VWA3B: variants seen among roughly 807,000 people sequenced by gnomAD.
VWA3B encodes the protein von Willebrand factor A domain-containing protein 3B.
VWA3B carries 138 observed loss-of-function variants against 158.3 expected under a neutral mutation model. That is an observed-to-expected ratio of 0.87 (90% CI 0.76 to 1.00). The LOEUF is 1.00. Ranked by LOEUF, VWA3B falls within the 50% of genes least tolerant of loss-of-function variation. The probability of loss-of-function intolerance (pLI) is 0.00; values close to 1 mark genes in which losing one functional copy is unlikely to be tolerated. For missense variants in VWA3B, 1,555 were observed against 1,565.1 expected (o/e 0.99, Z 0.11); for synonymous variants, 596 against 587.3 (o/e 1.01, Z -0.21).
rs935554274 is a variant in VWA3B at position 98,159,999 on chromosome 2, G to T, written c.989-2852G>T. On this transcript the variant is annotated intron_variant, in intron 7 of 27. Transcript: ENST00000477737. ...CACTCCAGCCTGGGCGACAGAGCAAGAATCCATTAAAAAAAAAAAAAAAAG... is the reference window on the plus strand; with the variant it reads ...CACTCCAGCCTGGGCGACAGAGCAATAATCCATTAAAAAAAAAAAAAAAAG... 2.3e-5 allele frequency among the ~76,000 whole-genome samples: 3 copies of T among 131,760 alleles called. No homozygotes were observed. In the Admixed American group the frequency reaches 2.5e-4, roughly 11 times the overall value. 86.4% of individuals were successfully genotyped at this position (131,760 alleles called of 152,430 possible). A position where few individuals can be genotyped will look rare whatever the true frequency, so the allele number is the denominator to read the frequency against.
At chr2:98,307,243 T>C (rs936407185) in intron 26 of VWA3B, among the ~76,000 whole-genome samples, 6 of 152,246 alleles carry the variant, frequency 3.9e-5, no homozygotes, top group African/African-American at 9.6e-5. Context: ...GCCAGCAGTT[T>C]TGCCATGAGA....
chr2:98,210,156 G>A (rs2105535434), intron 12 of VWA3B, among the ~76,000 whole-genome samples: 1 of 152,236 alleles, frequency 6.6e-6, no homozygotes, highest in East Asian at 1.9e-4. Flanking sequence ...CGTTTTCCTG[G>A]CCCCTCTCCT....
intron 7 of VWA3B, among the ~76,000 whole-genome samples, chr2:98,149,721 G>T (rs551578797): frequency 6.6e-6 from 1 of 152,296 alleles, no homozygotes; most frequent in Admixed American, 6.5e-5. Context: ...GTTTCCTTTT[G>T]ATTTAGTTCT....
intron 23 of VWA3B, among the ~76,000 whole-genome samples, chr2:98,294,942 C>T (rs532565400): frequency 1.3e-5 from 2 of 152,282 alleles, no homozygotes; most frequent in African/African-American, 2.4e-5. Flanking sequence ...AATGCGATGA[C>T]GTACAGCCCT....
chr2:98,180,028 C>T (rs1680413383), intron 8 of VWA3B, among the ~76,000 whole-genome samples: 1 of 137,028 alleles, frequency 7.3e-6, no homozygotes, highest in African/African-American at 2.8e-5. Context: ...CTTTTTCTTT[C>T]TTCTCTCTCT....
intron 7 of VWA3B, among the ~76,000 whole-genome samples, chr2:98,159,619 T>C (rs976462454): frequency 5.3e-5 from 8 of 152,290 alleles, no homozygotes; most frequent in Admixed American, 5.2e-4. Context: ...GCATGCATTC[T>C]GGTTGGAGAA....
chr2:98,149,562 A>G (rs963691394), intron 7 of VWA3B, among the ~76,000 whole-genome samples: 5 of 152,210 alleles, frequency 3.3e-5, no homozygotes, highest in African/African-American at 1.2e-4. Context: ...CAAAGTTTAC[A>G]CCTTATGCAA....
chr2:98,216,771 T>C (rs1684023527), intron 13 of VWA3B: 2 of 484,754 alleles, frequency 4.1e-6, no homozygotes, highest in Non-Finnish European at 8.3e-6. Context: ...TCATCTCATT[T>C]ACTCCTCACA....
chr2:98,162,958 G>C lies in VWA3B; in HGVS notation c.1096G>C (p.Val366Leu). 1.9e-6 allele frequency: 3 copies of C among 1,614,170 alleles called. No homozygotes were observed. Among genetic ancestry groups the C allele is most frequent in the Non-Finnish European group, 2.5e-6 (3 of 1,180,044 alleles). Residue 366 changes from valine (V) to leucine (L), a missense_variant, in exon 8 of 28, where the codon GTG (valine) becomes CTG (leucine). Val to Leu is a conservative substitution (Grantham distance 32). Transcript: ENST00000477737. The stretch of plus-strand genomic sequence containing the variant: ...GGTGGCCGAGCCTCCCAAGCCCGAC[G>C]TGGCCACTGTGGACTGCGGTTGGTG... ...RLVAEPPKPD[V>L]ATVDCESETT...
At chr2:98,256,289 C>A in intron 21 of VWA3B, 115 bp downstream of exon 21, 1 of 1,168,350 alleles carries the variant, frequency 8.6e-7, no homozygotes, top group Non-Finnish European at 1.2e-6. Flanking sequence ...AAATGTTCTG[C>A]AAACCACTAC....
intron 8 of VWA3B, among the ~76,000 whole-genome samples, chr2:98,173,858 C>A (rs975673648): frequency 1.3e-5 from 2 of 151,622 alleles, no homozygotes; most frequent in Non-Finnish European, 2.9e-5. Flanking sequence ...CCCAGCTACT[C>A]GGGAGGCTGA....
At chr2:98,308,368 A>G (rs189399994) in intron 26 of VWA3B, among the ~76,000 whole-genome samples, 1 of 152,292 alleles carries the variant, frequency 6.6e-6, no homozygotes, top group East Asian at 1.9e-4. Context: ...AGTGTCCCTG[A>G]GCTTTCTGCT....
chr2:98,258,313 T>C (rs958028242), intron 21 of VWA3B, among the ~76,000 whole-genome samples: 1 of 151,946 alleles, frequency 6.6e-6, no homozygotes, highest in Non-Finnish European at 1.5e-5. Context: ...TTTGTTCTTC[T>C]ATTTCAAAAT....
At chr2:98,110,396 T>C (rs1055687035) in intron 2 of VWA3B, among the ~76,000 whole-genome samples, 1 of 152,204 alleles carries the variant, frequency 6.6e-6, no homozygotes. Context: ...AGACTTCCTA[T>C]GTTTTTATTC....
chr2:98,313,688 G>A (rs532392507), downstream of VWA3B, among the ~76,000 whole-genome samples: 5 of 152,358 alleles, frequency 3.3e-5, no homozygotes, highest in African/African-American at 1.2e-4. Flanking sequence ...GATGCCAGCA[G>A]ACTTGGAAGG....
At chr2:98,124,037 G>A (rs1675172440) in intron 5 of VWA3B, among the ~76,000 whole-genome samples, 1 of 152,238 alleles carries the variant, frequency 6.6e-6, no homozygotes. Context: ...GACCAAGTGA[G>A]TGGATTAAAG....
chr2:98,300,140 C>A lies in VWA3B; in HGVS notation c.3344C>A (p.Ala1115Asp), dbSNP rs1243445364. 8 of 1,614,094 alleles carry A rather than the reference C, an allele frequency of 5.0e-6. No homozygotes were observed. In the African/African-American group the frequency reaches 1.1e-4, roughly 22 times the overall value. Residue 1115 changes from alanine (A) to aspartate (D), a missense_variant, in exon 25 of 28, where the codon GCC becomes GAC. Ala to Asp is a moderately radical substitution (Grantham distance 126). Coordinates refer to ENST00000477737, the MANE Select transcript of VWA3B (RefSeq NM_144992.5). Reference protein sequence around the residue: ...IPKGFDFYVPAIVIALPNKHV... With the variant: ...IPKGFDFYVPDIVIALPNKHV... ...AAAGGATTTGACTTCTATGTCCCTGCCATTGTCATAGCACTTCCCAATAAG... is the reference window on the plus strand; with the variant it reads ...AAAGGATTTGACTTCTATGTCCCTGACATTGTCATAGCACTTCCCAATAAG...
At chr2:98,104,756 C>A (rs1683319466) in intron 2 of VWA3B, among the ~76,000 whole-genome samples, 1 of 152,098 alleles carries the variant, frequency 6.6e-6, no homozygotes, top group South Asian at 2.1e-4. Flanking sequence ...TTCTTTTGTG[C>A]TAAATGAATA....
chr2:98,162,781 C>G, intron 7 of VWA3B, 70 bp from the exon 8 acceptor site: 8 of 1,583,004 alleles, frequency 5.1e-6, no homozygotes, highest in Non-Finnish European at 6.9e-6. Flanking sequence ...ATGCGTCAGG[C>G]CTGCTAGGCG....
Sources: gnomAD v4.1 joint callset for allele counts (sites outside exome capture counted in the v4.1 genomes callset) on GRCh38, gnomAD v4.1.1 for gene constraint, MANE v1.5 for transcripts, NCBI Gene and HGNC (gene_info 2026-07-23, HGNC 2026-07-21) for gene names.